Variants in CABIN1 observed in about 807,000 individuals in gnomAD.
CABIN1 encodes the protein calcineurin binding protein 1, also known as calcineurin-binding protein cabin-1.
Under a neutral mutation model 227.7 loss-of-function variants are expected in CABIN1, and 133 were observed. That is an observed-to-expected ratio of 0.58 (90% CI 0.51 to 0.67). The LOEUF (loss-of-function observed/expected upper bound fraction) is 0.67. Among genes scored for constraint, CABIN1 ranks in the 30% least tolerant of loss-of-function variants. CABIN1 has a pLI of 0.00. For missense variants in CABIN1, 2,408 were observed against 2,852.5 expected (o/e 0.84, Z 3.55); for synonymous variants, 1,086 against 1,155.1 (o/e 0.94, Z 1.21).
At chr22:24,168,768 A>G (rs2046611373) in intron 33 of CABIN1, among the ~76,000 whole-genome samples, 1 of 152,196 alleles carries the variant, frequency 6.6e-6, no homozygotes, top group Non-Finnish European at 1.5e-5. Context: ...TTTCTGTAAC[A>G]AGGAGGATGG....
chr22:24,072,630 C>A lies in CABIN1; in HGVS notation c.2632+120C>A. The A allele has an allele frequency of 4.1e-6, 5 of 1,228,986 alleles. No homozygotes were observed. The East Asian group carries it at 7.3e-5, about 18-fold the overall frequency. The allele number at this position is 1,228,986 out of a possible 1,614,324, so 76.1% of individuals were successfully genotyped here. On this transcript the variant is annotated intron_variant, in intron 18 of 36. Transcript: ENST00000263119. ...GTGAGTGGGGCTCAGTCCTCTCAATCCCAGGATTTTGCATGCGCTTGGACA... is the reference window on the plus strand; with the variant it reads ...GTGAGTGGGGCTCAGTCCTCTCAATACCAGGATTTTGCATGCGCTTGGACA...
In CABIN1 at chr22:24,147,567, G is replaced by T. The variant is rs186441482; in HGVS notation, c.4746+13152G>T. 3.8e-4 allele frequency among the ~76,000 whole-genome samples: 58 copies of T among 151,514 alleles called. 1 individual carries two copies. The East Asian group carries it at 8.2e-3, about 21-fold the overall frequency. On this transcript the variant is annotated intron_variant, in intron 29 of 36. Coordinates refer to ENST00000263119, the MANE Select transcript of CABIN1 (RefSeq NM_012295.4). ...ATGCTCAAGTGATCCTGCTGCCCTA[G>T]CCTCCCAAGTAGCTGGGGCTGCAGA... is the stretch of plus-strand genomic sequence containing the variant.
chr22:24,012,542 A>C (rs1414299076), intron 1 of CABIN1, among the ~76,000 whole-genome samples: 2 of 152,176 alleles, frequency 1.3e-5, no homozygotes, highest in African/African-American at 4.8e-5. Flanking sequence ...CAGGCCAGGA[A>C]ACATCCCCAG....
At chr22:24,026,451 G>A (rs2036095021) in intron 1 of CABIN1, among the ~76,000 whole-genome samples, 2 of 152,084 alleles carry the variant, frequency 1.3e-5, no homozygotes, top group Admixed American at 1.3e-4. Flanking sequence ...TTTTTGTGTT[G>A]TCTGAAGGCT....
rs1428690941 is a variant in CABIN1, at chr22:24,100,629, T to C, written c.4117+2437T>C. On this transcript the variant is annotated intron_variant, in intron 26 of 36. Coordinates refer to ENST00000263119, the MANE Select transcript of CABIN1 (RefSeq NM_012295.4). ...ATTGCAGGCCACCACTGAGCCCTTA[T>C]ACTACCAGGAGGGTGATGGGTGCTT... Among the ~76,000 whole-genome samples the C allele has an allele frequency of 1.5e-4, 23 of 152,190 alleles. 1 individual carries two copies. Among genetic ancestry groups the C allele is most frequent in the Admixed American group, 1.5e-3 (23 of 15,278 alleles).
rs147374271 is a variant in CABIN1, at chr22:24,070,961, C to T, written c.2394C>T (p.Leu798=). 3.4e-4 allele frequency: 543 copies of T among 1,614,112 alleles called. No homozygotes were observed. The highest frequency in any genetic ancestry group is 4.5e-4 in the Non-Finnish European group (527 of 1,180,040). ...TQLLMGIEQA[L]SADSSGSILK... ...TGCTGATGGGCATCGAGCAGGCCCTCTCTGCGGACAGCAGTGGTAGCATCC... is the reference window on the plus strand; with the variant it reads ...TGCTGATGGGCATCGAGCAGGCCCTTTCTGCGGACAGCAGTGGTAGCATCC... The change falls in exon 17 of 37, where the codon CTC becomes CTT. Residue 798 remains leucine (L), a synonymous_variant. Transcript: ENST00000263119.
chr22:24,152,990 G>C lies in CABIN1; in HGVS notation c.4747-11410G>C, dbSNP rs1468661465. 2.6e-5 allele frequency among the ~76,000 whole-genome samples: 4 copies of C among 152,070 alleles called. No homozygotes were observed. The East Asian group carries it at 7.7e-4, about 29-fold the overall frequency. ...AAATCTACAGGTCTGCACCCACTCA[G>C]GCCTTGGAAGGGATGGCTATAGGGT... On this transcript the variant is annotated intron_variant, in intron 29 of 36. Coordinates refer to ENST00000263119, the MANE Select transcript of CABIN1 (RefSeq NM_012295.4).
At chr22:24,100,350 G>T (rs887098288) in intron 26 of CABIN1, among the ~76,000 whole-genome samples, 10 of 152,190 alleles carry the variant, frequency 6.6e-5, no homozygotes, top group African/African-American at 2.4e-4. Context: ...TCCTAAAATA[G>T]CTGTGATCTT....
intron 29 of CABIN1, among the ~76,000 whole-genome samples, chr22:24,150,958 C>T (rs559515441): frequency 6.6e-6 from 1 of 152,120 alleles, no homozygotes; most frequent in Non-Finnish European, 1.5e-5. Context: ...CAAATTTGTC[C>T]CTCTAGTTTG....
rs1451646235 is a variant in CABIN1 at position 24,070,428 on chromosome 22, G to C, written c.2233-372G>C. On this transcript the variant is annotated intron_variant, in intron 16 of 36. Transcript: ENST00000263119. ...CCCCTTTGCTGCTGAACCCCCTCCA[G>C]AGCCCTGGCACTGGATGGGCACAGT... Among the ~76,000 whole-genome samples, 4 of 152,242 alleles carry C rather than the reference G, an allele frequency of 2.6e-5. No homozygotes were observed. In the East Asian group the frequency reaches 7.7e-4, roughly 29 times the overall value.
chr22:24,148,554 C>A (rs1207233255), intron 29 of CABIN1, among the ~76,000 whole-genome samples: 1 of 152,254 alleles, frequency 6.6e-6, no homozygotes, highest in Non-Finnish European at 1.5e-5. Flanking sequence ...TGTTTGCCTG[C>A]TCCCAGTGTG....
In CABIN1 at chr22:24,177,934, G is replaced by C; in HGVS notation, c.6519+117G>C. 1 of 1,539,602 alleles carries C rather than the reference G, an allele frequency of 6.5e-7. No homozygotes were observed. The highest frequency in any genetic ancestry group is 8.8e-7 in the Non-Finnish European group (1 of 1,133,426). On this transcript the variant is annotated intron_variant, in intron 36 of 36. Coordinates refer to ENST00000263119, the MANE Select transcript of CABIN1 (RefSeq NM_012295.4). The surrounding 1 kb of genome is among the most constrained non-coding windows in gnomAD (Gnocchi z 4.4). ...CTGGGGTGTGGGTGAGGATGGCATAGGGGCCTGGGGCAGGGGTGAGGGTGG... is the reference window on the plus strand; with the variant it reads ...CTGGGGTGTGGGTGAGGATGGCATACGGGCCTGGGGCAGGGGTGAGGGTGG...
intron 28 of CABIN1, among the ~76,000 whole-genome samples, chr22:24,126,197 G>A (rs2043713963): frequency 1.3e-5 from 2 of 152,222 alleles, no homozygotes; most frequent in South Asian, 4.1e-4. Flanking sequence ...TGTCACGCAG[G>A]AGGTTCCTGT....
chr22:24,126,378 G>A (rs887364100), intron 28 of CABIN1, among the ~76,000 whole-genome samples: 3 of 152,216 alleles, frequency 2.0e-5, no homozygotes, highest in African/African-American at 7.2e-5. Flanking sequence ...TCAAGTGAGG[G>A]AGCCCTGATG....
intron 6 of CABIN1, among the ~76,000 whole-genome samples, chr22:24,044,341 C>T (rs1275442894): frequency 6.6e-6 from 1 of 151,812 alleles, no homozygotes; most frequent in Admixed American, 6.6e-5. Context: ...TTTTCTGTTC[C>T]CGTTAGTCCC....
At chr22:24,108,274 A>G (rs530310476) in intron 26 of CABIN1, among the ~76,000 whole-genome samples, 27 of 152,280 alleles carry the variant, frequency 1.8e-4, no homozygotes, top group African/African-American at 3.1e-4. Context: ...AGCTCCTACA[A>G]TGACCCTGCG....
chr22:24,170,257 C>T, intron 33 of CABIN1: 1 of 411,066 alleles, frequency 2.4e-6, no homozygotes, highest in Non-Finnish European at 5.0e-6. Context: ...GTTCTCTCCT[C>T]CCTTAAGCCC....
At chr22:24,150,471 GT>G (rs2045414940) in intron 29 of CABIN1, among the ~76,000 whole-genome samples, 1 of 152,206 alleles carries the variant, frequency 6.6e-6, no homozygotes, top group Admixed American at 6.5e-5. Context: ...GACTAGGCCA[GT>G]CCTGAAGGGC....
At chr22:24,014,156 A>G (rs966139326) in intron 1 of CABIN1, among the ~76,000 whole-genome samples, 4 of 152,188 alleles carry the variant, frequency 2.6e-5, no homozygotes, top group Admixed American at 2.0e-4. Flanking sequence ...CCATCTGCAG[A>G]TCTTTGTGGT....
Sources: allele counts gnomAD v4.1 joint callset (sites outside exome capture counted in the v4.1 genomes callset), GRCh38; gene constraint gnomAD v4.1.1; non-coding constraint Gnocchi (gnomAD v3.1); transcripts MANE v1.5; gene names NCBI Gene and HGNC (gene_info 2026-07-23, HGNC 2026-07-21).